SORCS2: variants seen among roughly 807,000 people sequenced by gnomAD.
The protein encoded by SORCS2 is VPS10 domain-containing receptor SorCS2.
A neutral mutation model predicts 141.6 loss-of-function variants in SORCS2; 100 were observed. That is an observed-to-expected ratio of 0.71 (90% CI 0.60 to 0.83). The LOEUF (loss-of-function observed/expected upper bound fraction) is 0.83, where lower values mean the gene tolerates loss of function less well. Ranked by LOEUF, SORCS2 falls within the 40% of genes least tolerant of loss-of-function variation. The probability of loss-of-function intolerance (pLI) is 0.00; values close to 1 mark genes in which losing one functional copy is unlikely to be tolerated. For missense variants in SORCS2, 1,646 were observed against 1,560.2 expected (o/e 1.05, Z -0.93); for synonymous variants, 789 against 676.9 (o/e 1.17, Z -2.57).
At chr4:7,417,591 C>T (rs959295199) in intron 2 of SORCS2, among the ~76,000 whole-genome samples, 1 of 152,182 alleles carries the variant, frequency 6.6e-6, no homozygotes, top group African/African-American at 2.4e-5. Flanking sequence ...TAAAACGGGT[C>T]TGCTGAGATG....
chr4:7,358,114 C>T (rs115992240), intron 1 of SORCS2, among the ~76,000 whole-genome samples: 2,443 of 152,302 alleles, frequency 0.016, 71 homozygotes, highest in African/African-American at 0.054. Flanking sequence ...AATCTGTTTT[C>T]ACAGGAAAGG....
chr4:7,395,950 T>A (rs566491680), intron 1 of SORCS2, among the ~76,000 whole-genome samples: 76 of 152,346 alleles, frequency 5.0e-4, no homozygotes, highest in African/African-American at 1.7e-3. Flanking sequence ...TAGGGACCAC[T>A]GCCCTGGCAC....
intron 1 of SORCS2, among the ~76,000 whole-genome samples, chr4:7,238,291 G>T (rs995422443): frequency 2.9e-5 from 3 of 105,132 alleles, no homozygotes. Flanking sequence ...GAGGGAGTCT[G>T]GGGGGGGTTG....
intron 18 of SORCS2, among the ~76,000 whole-genome samples, chr4:7,723,213 A>G (rs1435793030): frequency 6.6e-5 from 10 of 152,102 alleles, no homozygotes. Context: ...GAGAAAATTA[A>G]GAACCGCAGC....
At chr4:7,403,997 A>ATATATATATATATATATAT (rs1265288820) in intron 2 of SORCS2, among the ~76,000 whole-genome samples, 8 of 18,952 alleles carry the variant, frequency 4.2e-4, no homozygotes, top group Admixed American at 1.6e-3. Context: ...ATATATATAT[A>ATATATATATATATATATAT]TTTTTTTTTT....
chr4:7,517,698 G>C (rs192969704), intron 2 of SORCS2, among the ~76,000 whole-genome samples: 12 of 152,290 alleles, frequency 7.9e-5, no homozygotes, highest in Admixed American at 4.6e-4. Flanking sequence ...TTAAAAAGCT[G>C]CATGGAGGCT....
chr4:7,279,344 T>C (rs563918324), intron 1 of SORCS2, among the ~76,000 whole-genome samples: 1 of 152,196 alleles, frequency 6.6e-6, no homozygotes, highest in Non-Finnish European at 1.5e-5. Flanking sequence ...AATGTGTCTG[T>C]GAGCTTCCCC....
intron 11 of SORCS2, among the ~76,000 whole-genome samples, chr4:7,696,311 C>T (rs188367083): frequency 7.2e-5 from 11 of 152,312 alleles, no homozygotes; most frequent in African/African-American, 2.6e-4. Flanking sequence ...GTCTCTGCCA[C>T]AGCCATTGGG....
chr4:7,370,034 C>T (rs1030195291), intron 1 of SORCS2, among the ~76,000 whole-genome samples: 1 of 152,370 alleles, frequency 6.6e-6, no homozygotes, highest in Admixed American at 6.5e-5. Context: ...GAAGCAGCCA[C>T]GTGAGTGCTG....
intron 1 of SORCS2, among the ~76,000 whole-genome samples, chr4:7,231,450 T>C (rs1009867005): frequency 6.6e-6 from 1 of 152,198 alleles, no homozygotes; most frequent in Non-Finnish European, 1.5e-5. Context: ...GCACATGAAA[T>C]TAACCATCAC....
At chr4:7,553,045 T>C (rs968866849) in intron 3 of SORCS2, among the ~76,000 whole-genome samples, 29 of 151,946 alleles carry the variant, frequency 1.9e-4, no homozygotes, top group African/African-American at 6.1e-4. Flanking sequence ...TTTGGAAGCC[T>C]GAGAGCACAA....
intron 5 of SORCS2, among the ~76,000 whole-genome samples, chr4:7,655,434 A>G (rs553143412): frequency 9.6e-4 from 146 of 152,314 alleles, no homozygotes; most frequent in Non-Finnish European, 1.9e-3. Context: ...CAAAGCTCCA[A>G]TTAAAAACAA....
At position 7,740,481 on chromosome 4, in the gene SORCS2, C is replaced by A; in HGVS notation, c.*217C>A. The A allele has an allele frequency of 1.7e-6, 1 of 574,322 alleles. No individual in the cohort carries two copies. Among genetic ancestry groups the A allele is most frequent in the Non-Finnish European group, 3.1e-6 (1 of 319,430 alleles). The allele number at this position is 574,322 out of a possible 1,614,324, so 35.6% of individuals were successfully genotyped here. ...CGGGACTCCCCGGACATGGCCCTGC[C>A]CCTATGGGACACCAGGCCTGACTCA... On this transcript the variant is annotated 3_prime_UTR_variant, in exon 27 of 27. Transcript: ENST00000507866.
rs2108860847 is a variant in SORCS2 at position 7,201,220 on chromosome 4, G to A, written c.480+8094G>A. Reference sequence around the variant, plus strand: ...AATGGTGAGAATATTAAGGCTGAAGGAGAGGCCTAGGGGCTGGAGCAGCCT... The same window carrying A: ...AATGGTGAGAATATTAAGGCTGAAGAAGAGGCCTAGGGGCTGGAGCAGCCT... On this transcript the variant is annotated intron_variant, in intron 1 of 26. Coordinates refer to ENST00000507866, the MANE Select transcript of SORCS2 (RefSeq NM_020777.3). The surrounding 1 kb of genome is among the most constrained non-coding windows in gnomAD (Gnocchi z 4.4). Among the ~76,000 whole-genome samples, 1 of 152,332 alleles carries A rather than the reference G, an allele frequency of 6.6e-6. No individual in the cohort carries two copies. Among genetic ancestry groups the A allele is most frequent in the East Asian group, 1.9e-4 (1 of 5,178 alleles).
Position 7,723,540 on chromosome 4 carries a change from C to T in SORCS2, c.2425-157C>T, listed in dbSNP as rs572120324. ...CCAGGAAGAATCTCCAGGGCAGAAC[C>T]AGGCCCGGTCTCCTGTGGGTCCCCA... On this transcript the variant is annotated intron_variant, in intron 18 of 26. Transcript: ENST00000507866. 2.6e-4 allele frequency among the ~76,000 whole-genome samples: 39 copies of T among 152,338 alleles called. No homozygotes were observed. The East Asian group carries it at 5.6e-3, about 22-fold the overall frequency.
chr4:7,704,315 G>A (rs374892872), intron 14 of SORCS2, 31 bp downstream of exon 14: 116 of 1,569,482 alleles, frequency 7.4e-5, no homozygotes, highest in Non-Finnish European at 9.3e-5. Context: ...GTGGGCACTG[G>A]TGGCAGGGCA....
At chr4:7,592,671 G>A (rs532955634) in intron 3 of SORCS2, among the ~76,000 whole-genome samples, 249 of 152,342 alleles carry the variant, frequency 1.6e-3, no homozygotes, top group Middle Eastern at 6.8e-3. Flanking sequence ...GTGGAGCAGG[G>A]CTGTGCCAAC....
intron 2 of SORCS2, among the ~76,000 whole-genome samples, chr4:7,495,405 C>T (rs1195164325): frequency 6.6e-6 from 1 of 152,204 alleles, no homozygotes; most frequent in Non-Finnish European, 1.5e-5. Flanking sequence ...TCTCTGCCTC[C>T]CCCACCAGCT....
intron 1 of SORCS2, among the ~76,000 whole-genome samples, chr4:7,349,955 A>G (rs1033062796): frequency 6.6e-6 from 1 of 152,156 alleles, no homozygotes; most frequent in Non-Finnish European, 1.5e-5. Flanking sequence ...ACCACTGGAC[A>G]ATTTCAGTCC....
Sources: gnomAD v4.1 joint callset for allele counts (sites outside exome capture counted in the v4.1 genomes callset) on GRCh38, gnomAD v4.1.1 for gene constraint, Gnocchi (gnomAD v3.1) non-coding constraint, MANE v1.5 for transcripts, NCBI Gene and HGNC (gene_info 2026-07-23, HGNC 2026-07-21) for gene names.